SMAD4: variants seen among roughly 807,000 people sequenced by gnomAD.
The protein encoded by SMAD4 is SMAD family member 4.
A neutral mutation model predicts 63.2 loss-of-function variants in SMAD4; 7 were observed. That is an observed-to-expected ratio of 0.11 (90% CI 0.06 to 0.21). SMAD4 has a LOEUF of 0.21. Ranked by LOEUF, SMAD4 falls within the 10% of genes least tolerant of loss-of-function variation. The probability of loss-of-function intolerance (pLI) is 1.00; values close to 1 mark genes in which losing one functional copy is unlikely to be tolerated. For synonymous variants in SMAD4, 215 were observed against 235.4 expected (o/e 0.91, Z 0.79); for missense variants, 312 against 693.8 (o/e 0.45, Z 6.18).
intron 7 of SMAD4, among the ~76,000 whole-genome samples, 160 bp from the exon 8 acceptor site, chr18:51,059,706 A>G (rs190334923): frequency 1.3e-5 from 2 of 152,312 alleles, no homozygotes; most frequent in Admixed American, 1.3e-4. Flanking sequence ...GTTTAAGACT[A>G]TTTGCTTATT....
intron 1 of SMAD4, among the ~76,000 whole-genome samples, chr18:51,043,502 A>G (rs376741179): frequency 1.3e-5 from 2 of 152,336 alleles, no homozygotes; most frequent in East Asian, 3.9e-4. Context: ...CCATACTTCC[A>G]TAATCTAGAA....
At chr18:51,031,248 T>A (rs776571788) in intron 1 of SMAD4, among the ~76,000 whole-genome samples, 30 of 152,332 alleles carry the variant, frequency 2.0e-4, no homozygotes, top group Non-Finnish European at 3.7e-4. Flanking sequence ...CTGCATGTAC[T>A]GACAGTGAAA....
In SMAD4 at chr18:51,054,839, G is replaced by C. The variant is rs1210446538; in HGVS notation, c.513G>C (p.Ser171=). 3 of 1,613,944 alleles carry C rather than the reference G, an allele frequency of 1.9e-6. No individual in the cohort carries two copies. Among genetic ancestry groups the C allele is most frequent in the Non-Finnish European group, 2.5e-6 (3 of 1,179,854 alleles). Residue 171 remains serine (S), a synonymous_variant, in exon 5 of 12, where the codon TCG becomes TCC. Transcript: ENST00000342988. ...EYVHDFEGQP[S]LSTEGHSIQT... ...TGCATGACTTTGAGGGACAGCCATC[G>C]TTGTCCACTGAAGGACATTCAATTC...
intron 1 of SMAD4, among the ~76,000 whole-genome samples, chr18:51,030,935 CG>C (rs1909029838): frequency 6.6e-6 from 1 of 152,144 alleles, no homozygotes; most frequent in African/African-American, 2.4e-5. Flanking sequence ...AGTAGTTTCA[CG>C]GTCGCCCCGG....
chr18:51,050,371 G>C (rs184766805), intron 4 of SMAD4, among the ~76,000 whole-genome samples: 22 of 148,740 alleles, frequency 1.5e-4, no homozygotes, highest in South Asian at 1.1e-3. Flanking sequence ...AAAAAAAAGT[G>C]GGGGGAGGCT....
chr18:51,074,004 A>G (rs1293000922), intron 10 of SMAD4, among the ~76,000 whole-genome samples: 1 of 152,168 alleles, frequency 6.6e-6, no homozygotes, highest in African/African-American at 2.4e-5. Context: ...AGACACATCT[A>G]GTAAAGGACT....
Position 51,082,750 on chromosome 18 carries a change from A to G in SMAD4, c.*4283A>G, listed in dbSNP as rs1462053526. Reference sequence around the variant, plus strand: ...ATTTTTAGTTTTTTTTTTTTAACCCACTTCCCCTCCTGGTCTCTTCCCTCT... The same window carrying G: ...ATTTTTAGTTTTTTTTTTTTAACCCGCTTCCCCTCCTGGTCTCTTCCCTCT... On this transcript the variant is annotated 3_prime_UTR_variant, in exon 12 of 12. Transcript: ENST00000342988. 8.7e-6 allele frequency: 2 copies of G among 229,002 alleles called. No individual in the cohort carries two copies. The highest frequency in any genetic ancestry group is 1.7e-5 in the Non-Finnish European group (2 of 115,960). The allele number at this position is 229,002 out of a possible 1,614,324, so 14.2% of individuals were successfully genotyped here. A position where few individuals can be genotyped will look rare whatever the true frequency, so the allele number is the denominator to read the frequency against.
chr18:51,063,028 A>G (rs2144441321), intron 8 of SMAD4, among the ~76,000 whole-genome samples: 1 of 151,074 alleles, frequency 6.6e-6, no homozygotes, highest in Non-Finnish European at 1.5e-5. Flanking sequence ...TAATTTTTGT[A>G]TTTTTAGTAG....
At position 51,082,695 on chromosome 18, in the gene SMAD4, C is replaced by CTCAGACA. The variant is rs1322687098; in HGVS notation, c.*4229_*4230insCAGACAT. ...AACAGACAGGACTGTGTTGCCTTTA[C>CTCAGACA]TAAATGGTCTGAGACAGCTATGGTT... is the stretch of plus-strand genomic sequence containing the variant. On this transcript the variant is annotated 3_prime_UTR_variant, in exon 12 of 12. Coordinates refer to ENST00000342988, the MANE Select transcript of SMAD4 (RefSeq NM_005359.6). The CTCAGACA allele has an allele frequency of 2.6e-5, 6 of 230,508 alleles. No individual in the cohort carries two copies. The Admixed American group carries it at 3.4e-4, about 13-fold the overall frequency. 14.3% of individuals were successfully genotyped at this position (230,508 alleles called of 1,614,324 possible). A position where few individuals can be genotyped will look rare whatever the true frequency, so the allele number is the denominator to read the frequency against.
intron 1 of SMAD4, among the ~76,000 whole-genome samples, chr18:51,038,214 A>C (rs1288724000): frequency 7.0e-6 from 1 of 142,440 alleles, no homozygotes; most frequent in African/African-American, 2.5e-5. Flanking sequence ...CTAGGATCGC[A>C]CCACTGCACT....
At chr18:51,049,880 TA>T (rs1216798747) in intron 4 of SMAD4, among the ~76,000 whole-genome samples, 1 of 152,226 alleles carries the variant, frequency 6.6e-6, no homozygotes, top group Non-Finnish European at 1.5e-5. Context: ...ACAGCTTACC[TA>T]ATTGTATTTT....
chr18:51,084,008 GCGCGCACACA>G lies in SMAD4; in HGVS notation c.*5543_*5552del, dbSNP rs1568213128. ...ACACTTAACGCGCGTGCGCACGCGCGCGCGCACACACACACACACACACACACACACACAC... is the reference window on the plus strand; with the variant it reads ...ACACTTAACGCGCGTGCGCACGCGCGCACACACACACACACACACACACAC... On this transcript the variant is annotated 3_prime_UTR_variant, in exon 12 of 12. Transcript: ENST00000342988. The G allele has an allele frequency of 9.9e-4, 65 of 65,532 alleles. No individual in the cohort carries two copies. The highest frequency in any genetic ancestry group is 2.3e-3 in the Admixed American group (8 of 3,498). 4.1% of individuals were successfully genotyped at this position (65,532 alleles called of 1,614,324 possible). A position where few individuals can be genotyped will look rare whatever the true frequency, so the allele number is the denominator to read the frequency against.
Position 51,067,198 on chromosome 18 carries a change from A to T in SMAD4, c.1308+11A>T. 6.8e-7 allele frequency: 1 copy of T among 1,473,632 alleles called. No individual in the cohort carries two copies. The highest frequency in any genetic ancestry group is 9.5e-7 in the Non-Finnish European group (1 of 1,053,462). The allele number at this position is 1,473,632 out of a possible 1,614,324, so 91.3% of individuals were successfully genotyped here. ...AGTGCATATATAAAGGTTAGTTACA[A>T]TTTTATTTGAATATTTTAGACTTAA... On this transcript the variant is annotated intron_variant, in intron 10 of 11. Transcript: ENST00000342988.
At chr18:51,058,088 A>G (rs1416400094) in intron 5 of SMAD4, 37 bp from the exon 6 acceptor site, 7 of 1,612,842 alleles carry the variant, frequency 4.3e-6, no homozygotes, top group East Asian at 2.2e-5. Flanking sequence ...GATGACATCT[A>G]TGAATGTACC....
chr18:51,055,310 T>C (rs932489606), intron 5 of SMAD4, among the ~76,000 whole-genome samples: 1 of 152,200 alleles, frequency 6.6e-6, no homozygotes, highest in Non-Finnish European at 1.5e-5. Context: ...ATCCAAGATG[T>C]TTATGAAGGT....
rs1599208684 is a variant in SMAD4, at chr18:51,082,407, A to G, written c.*3940A>G. On this transcript the variant is annotated 3_prime_UTR_variant, in exon 12 of 12. Transcript: ENST00000342988. ...AAGTATGTAAAAAGTCCATGGCCTT[A>G]TTCATCCACAAAGTGGCATCCTAGG... The G allele has an allele frequency of 4.4e-6, 1 of 229,138 alleles. No individual in the cohort carries two copies. Among genetic ancestry groups the G allele is most frequent in the East Asian group, 6.2e-5 (1 of 16,022 alleles). The allele number at this position is 229,138 out of a possible 1,614,324, so 14.2% of individuals were successfully genotyped here. A position where few individuals can be genotyped will look rare whatever the true frequency, so the allele number is the denominator to read the frequency against.
At chr18:51,066,449 T>C (rs902111263) in intron 9 of SMAD4, among the ~76,000 whole-genome samples, 9 of 152,066 alleles carry the variant, frequency 5.9e-5, no homozygotes, top group African/African-American at 2.2e-4. Flanking sequence ...CTTTTAAGGA[T>C]GTGTGTGCTA....
At chr18:51,057,535 T>G (rs937011343) in intron 5 of SMAD4, among the ~76,000 whole-genome samples, 1 of 152,170 alleles carries the variant, frequency 6.6e-6, no homozygotes, top group Non-Finnish European at 1.5e-5. Context: ...AGACTGATAG[T>G]TTTTTTGTTT....
chr18:51,052,700 C>T, intron 4 of SMAD4: 1 of 235,056 alleles, frequency 4.3e-6, no homozygotes, highest in East Asian at 1.2e-4. Context: ...TGCTCCCACC[C>T]CTGCCCCCAT....
Sources: gnomAD v4.1 joint callset for allele counts (sites outside exome capture counted in the v4.1 genomes callset) on GRCh38, gnomAD v4.1.1 for gene constraint, MANE v1.5 for transcripts, NCBI Gene and HGNC (gene_info 2026-07-23, HGNC 2026-07-21) for gene names.